Variants in ACACB observed in about 807,000 individuals in gnomAD.
ACACB encodes the protein acetyl-CoA carboxylase beta.
In ACACB, 209 loss-of-function variants were observed where a neutral mutation model predicts 278.8. That is an observed-to-expected ratio of 0.75 (90% confidence interval 0.67 to 0.84). The LOEUF is 0.84. ACACB is among the 40% of genes least tolerant of loss of function. ACACB has a pLI of 0.00. For missense variants in ACACB, 2,850 were observed against 3,269.0 expected (o/e 0.87, Z 3.13); for synonymous variants, 1,174 against 1,285.6 (o/e 0.91, Z 1.86).
intron 35 of ACACB, 62 bp from the exon 36 acceptor site, chr12:109,241,016 C>T: frequency 6.6e-7 from 1 of 1,526,194 alleles, no homozygotes; most frequent in South Asian, 1.1e-5. Context: ...AGTATCAGTG[C>T]TATTGCAAAT....
At chr12:109,150,128 C>T (rs76643263) in intron 2 of ACACB, among the ~76,000 whole-genome samples, 3,453 of 152,264 alleles carry the variant, frequency 0.023, 137 homozygotes, top group African/African-American at 0.079. Flanking sequence ...ATCCAGTGCA[C>T]GGCATAAGAG....
intron 13 of ACACB, among the ~76,000 whole-genome samples, chr12:109,190,128 G>GA (rs1055462109): frequency 6.6e-6 from 1 of 151,960 alleles, no homozygotes; most frequent in African/African-American, 2.4e-5. Flanking sequence ...ACAAAAAAAA[G>GA]AAAAAAAGAA....
chr12:109,250,295 A>G (rs1227577588), intron 41 of ACACB, among the ~76,000 whole-genome samples, 191 bp downstream of exon 41: 2 of 152,152 alleles, frequency 1.3e-5, no homozygotes, highest in Non-Finnish European at 2.9e-5. Context: ...AGAGTATTTT[A>G]AAGCCAGCCC....
chr12:109,161,861 A>C (rs1292364496), intron 2 of ACACB, among the ~76,000 whole-genome samples: 1 of 152,154 alleles, frequency 6.6e-6, no homozygotes, highest in Non-Finnish European at 1.5e-5. Context: ...TTTTTAAAAT[A>C]TAGCAAAGAG....
At chr12:109,128,619 G>A (rs569268047) in intron 1 of ACACB, among the ~76,000 whole-genome samples, 43 of 152,218 alleles carry the variant, frequency 2.8e-4, no homozygotes, top group African/African-American at 9.4e-4. Flanking sequence ...GATTACGGGC[G>A]TGAGCCACTG....
At position 109,266,417 on chromosome 12, in the gene ACACB, A is replaced by G; in HGVS notation, c.*55A>G. ...ACGGCAAAAGGAACCACCCAGACCC[A>G]CCACCCGTACACCCTCAGCAGACCC... On this transcript the variant is annotated 3_prime_UTR_variant, in exon 53 of 53. Transcript: ENST00000338432. 2 of 1,537,964 alleles carry G rather than the reference A, an allele frequency of 1.3e-6. No homozygotes were observed. Among genetic ancestry groups the G allele is most frequent in the Admixed American group, 1.9e-5 (1 of 52,590 alleles).
intron 2 of ACACB, among the ~76,000 whole-genome samples, chr12:109,151,646 G>A (rs2043378461): frequency 6.6e-6 from 1 of 152,136 alleles, no homozygotes; most frequent in African/African-American, 2.4e-5. Context: ...CACGCTGCTG[G>A]CCACATGCAT....
chr12:109,176,204 G>C lies in ACACB; in HGVS notation c.1378G>C (p.Gly460Arg), dbSNP rs780343613. Residue 460 changes from glycine to arginine, a missense_variant, in exon 9 of 53, where the codon GGA becomes CGA. Gly to Arg is a moderately radical substitution (Grantham distance 125). Coordinates refer to ENST00000338432, the MANE Select transcript of ACACB (RefSeq NM_001093.4). Reference sequence around the variant, plus strand: ...GATGATCAAAGCTTCTGAAGGTGGCGGAGGGAAGGGAATCCGGAAGGCTGA... The same window carrying C: ...GATGATCAAAGCTTCTGAAGGTGGCCGAGGGAAGGGAATCCGGAAGGCTGA... ...PLMIKASEGG[G>R]GKGIRKAESA... 6.2e-7 allele frequency: 1 copy of C among 1,614,188 alleles called. No homozygotes were observed. The highest frequency in any genetic ancestry group is 2.2e-5 in the East Asian group (1 of 44,878).
rs1565913365 is a variant in ACACB, at chr12:109,199,450, CG to C, written c.2677del (p.Asp893IlefsTer5). 1.3e-6 allele frequency: 2 copies of C among 1,547,544 alleles called. No individual in the cohort carries two copies. The highest frequency in any genetic ancestry group is 3.8e-5 in the Admixed American group (2 of 52,182). ...AGACGTGTGTGTTTGAGAAGGAGAA[CG>C]ATCCTACAGTCCTGAGATCCCCCTC... ...NKTCVFEKENDPTVLRSPSAG... is the reference protein window; with the variant it reads ...NKTCVFEKENXPTVLRSPSAG... On this transcript the variant is annotated frameshift_variant, in exon 18 of 53. Transcript: ENST00000338432. LOFTEE classifies it high-confidence loss of function.
chr12:109,126,731 T>C (rs982735837), intron 1 of ACACB, among the ~76,000 whole-genome samples: 7 of 152,024 alleles, frequency 4.6e-5, no homozygotes, highest in African/African-American at 1.7e-4. Flanking sequence ...AAAAGAAGTT[T>C]GGTTTGTCTC....
At position 109,144,798 on chromosome 12, in the gene ACACB, A is replaced by G. The variant is rs185908107; in HGVS notation, c.653+4740A>G. Among the ~76,000 whole-genome samples, 366 of 118,130 alleles carry G rather than the reference A, an allele frequency of 3.1e-3. 8 individuals carry two copies. In the East Asian group the frequency reaches 0.067, roughly 22 times the overall value. The allele number at this position is 118,130 out of a possible 152,430, so 77.5% of individuals were successfully genotyped here. A position where few individuals can be genotyped will look rare whatever the true frequency, so the allele number is the denominator to read the frequency against. ...GAGACAGAGTCTTGCTCTGTCACCC[A>G]GGCTGGAGGCTGGAGTGCAATGGCA... On this transcript the variant is annotated intron_variant, in intron 2 of 52. Transcript: ENST00000338432.
chr12:109,128,380 C>T (rs1484737895), intron 1 of ACACB, among the ~76,000 whole-genome samples: 1 of 151,940 alleles, frequency 6.6e-6, no homozygotes, highest in Non-Finnish European at 1.5e-5. Context: ...TCTTGTTTCC[C>T]AGGCTGGAGT....
chr12:109,116,020 A>G (rs1394508282), upstream of ACACB, among the ~76,000 whole-genome samples: 1 of 152,236 alleles, frequency 6.6e-6, no homozygotes, highest in African/African-American at 2.4e-5. Flanking sequence ...GCAGAACACT[A>G]TGTAACTGCA....
In ACACB at chr12:109,167,768, A is replaced by G. The variant is rs947878647; in HGVS notation, c.787-128A>G. On this transcript the variant is annotated intron_variant, in intron 3 of 52. Transcript: ENST00000338432. ...GTGTGCCATGGAAATACATAGAAAT[A>G]CCAAGAGGAATGATGTGCTGCGGGG... 17 of 1,396,770 alleles carry G rather than the reference A, an allele frequency of 1.2e-5. No individual in the cohort carries two copies. The Admixed American group carries it at 3.0e-4, about 24-fold the overall frequency. 86.5% of individuals were successfully genotyped at this position (1,396,770 alleles called of 1,614,324 possible).
chr12:109,239,834 C>A lies in ACACB; in HGVS notation c.4667C>A (p.Ala1556Asp), dbSNP rs935320132. 1 of 1,610,874 alleles carries A rather than the reference C, an allele frequency of 6.2e-7. No individual in the cohort carries two copies. The highest frequency in any genetic ancestry group is 8.5e-7 in the Non-Finnish European group (1 of 1,178,490). Residue 1556 changes from alanine to aspartate, a missense_variant, in exon 35 of 53, where the codon GCC becomes GAC. Physicochemically the swap from Ala to Asp is moderately radical, Grantham distance 126. Around this residue, in one of 3 missense-constraint regions of ACACB, gnomAD observed 2,265 missense variants for 2,561.3 expected, o/e 0.88. Coordinates refer to ENST00000338432, the MANE Select transcript of ACACB (RefSeq NM_001093.4). ...GCCCCTCCCACTCTTTGGCAGGAAG[C>A]CTCCTTCGAATACCTGCAGAACGAG... ...IRHSDLITKE[A>D]SFEYLQNEGE...
chr12:109,131,545 T>C lies in ACACB; in HGVS notation c.-9-7852T>C, dbSNP rs1341232368. 4 of 152,434 alleles carry C rather than the reference T, an allele frequency of 2.6e-5. No individual in the cohort carries two copies. The East Asian group carries it at 7.7e-4, about 29-fold the overall frequency. 9.4% of individuals were successfully genotyped at this position (152,434 alleles called of 1,614,324 possible). ...TGTCCTTTAAAAACCTCACCAGGCA[T>C]GGGGATGAGTGTGCTGTGGGTTGTG... On this transcript the variant is annotated intron_variant, in intron 1 of 52. Transcript: ENST00000338432.
At position 109,140,841 on chromosome 12, in the gene ACACB, G is replaced by A. The variant is rs117435752; in HGVS notation, c.653+783G>A. Among the ~76,000 whole-genome samples, 15 of 151,810 alleles carry A rather than the reference G, an allele frequency of 9.9e-5. No individual in the cohort carries two copies. The East Asian group carries it at 2.9e-3, about 29-fold the overall frequency. On this transcript the variant is annotated intron_variant, in intron 2 of 52. Transcript: ENST00000338432. ...CCACAAGTGATGATGGTAGTCTAGAGGGAGGGGCAGTTCTCTCTGCCTCCT... is the reference window on the plus strand; with the variant it reads ...CCACAAGTGATGATGGTAGTCTAGAAGGAGGGGCAGTTCTCTCTGCCTCCT...
chr12:109,182,824 T>C (rs1040687317), intron 11 of ACACB, among the ~76,000 whole-genome samples: 2 of 152,232 alleles, frequency 1.3e-5, no homozygotes, highest in Non-Finnish European at 2.9e-5. Flanking sequence ...TTGTCCTTTT[T>C]TTGCTTTAGT....
chr12:109,181,795 C>T (rs1593485956), intron 11 of ACACB, among the ~76,000 whole-genome samples: 1 of 151,258 alleles, frequency 6.6e-6, no homozygotes, highest in African/African-American at 2.4e-5. Flanking sequence ...TCCCTTTTCT[C>T]CACGTCCTTG....
Sources: allele counts gnomAD v4.1 joint callset (sites outside exome capture counted in the v4.1 genomes callset), GRCh38; gene constraint gnomAD v4.1.1; regional missense constraint gnomAD v4.1.1; transcripts MANE v1.5; gene names NCBI Gene and HGNC (gene_info 2026-07-23, HGNC 2026-07-21).